EFL1: variants seen among roughly 807,000 people sequenced by gnomAD.
The protein encoded by EFL1 is elongation factor like GTPase 1.
In EFL1, 76 loss-of-function variants were observed where a neutral mutation model predicts 126.7. The ratio of observed to expected loss-of-function variants is 0.60; its 90% CI spans 0.50 to 0.73. The LOEUF (loss-of-function observed/expected upper bound fraction) is 0.73, where lower values mean the gene tolerates loss of function less well. Among genes scored for constraint, EFL1 ranks in the 30% least tolerant of loss-of-function variants. EFL1 has a pLI of 0.00. For synonymous variants in EFL1, 410 were observed against 448.4 expected, an observed-to-expected ratio of 0.91 and a Z score of 1.08; for missense variants, 1,128 against 1,343.2, an observed-to-expected ratio of 0.84 and a Z score of 2.50.
chr15:82,181,841 T>G (rs1377377929), intron 15 of EFL1, among the ~76,000 whole-genome samples: 1 of 152,204 alleles, frequency 6.6e-6, no homozygotes. Context: ...AGCCTTTAAA[T>G]TCTTGAAAGC....
intron 18 of EFL1, among the ~76,000 whole-genome samples, chr15:82,141,504 C>T (rs985347081): frequency 8.6e-5 from 13 of 151,952 alleles, no homozygotes; most frequent in Admixed American, 4.6e-4. Flanking sequence ...CACATCGCCA[C>T]TAACACTACA....
chr15:82,232,839 A>G (rs189310117), intron 7 of EFL1, among the ~76,000 whole-genome samples: 1 of 152,200 alleles, frequency 6.6e-6, no homozygotes, highest in Non-Finnish European at 1.5e-5. Flanking sequence ...ATTTATTGGT[A>G]TAATCATTTA....
In EFL1 at chr15:82,214,610, A is replaced by C. The variant is rs1355380520; in HGVS notation, c.1750+107T>G. ...AAGATACCAGAAAAAAAAATTATCA[A>C]ACTAAAGAATAAAGTTATTCCCTTC... On this transcript the variant is annotated intron_variant, in intron 15 of 19. Coordinates refer to ENST00000268206, the MANE Select transcript of EFL1 (RefSeq NM_024580.6). The C allele has an allele frequency of 2.1e-6, 3 of 1,441,298 alleles. No individual in the cohort carries two copies. The East Asian group carries it at 7.3e-5, about 35-fold the overall frequency. The allele number at this position is 1,441,298 out of a possible 1,614,324, so 89.3% of individuals were successfully genotyped here. A position where few individuals can be genotyped will look rare whatever the true frequency, so the allele number is the denominator to read the frequency against.
intron 18 of EFL1, among the ~76,000 whole-genome samples, chr15:82,142,185 C>T (rs1195433338): frequency 6.6e-6 from 1 of 152,304 alleles, no homozygotes; most frequent in Middle Eastern, 3.4e-3. Context: ...CCATCATGAT[C>T]ACTTGTTTGT....
Position 82,230,957 on chromosome 15 carries a change from G to A in EFL1, c.746C>T (p.Ala249Val), listed in dbSNP as rs2074816217. The A allele has an allele frequency of 6.2e-7, 1 of 1,611,526 alleles. No individual in the cohort carries two copies. Among genetic ancestry groups the A allele is most frequent in the South Asian group, 1.1e-5 (1 of 90,504 alleles). ...DGWGFGIEHF[A>V]RIYSQKIGIK... ...GCCAATTTTTTGACTGTAGATTCTGGCGAAGTGCTCAATTCTGAAAGAAGA... is the reference window on the plus strand; with the variant it reads ...GCCAATTTTTTGACTGTAGATTCTGACGAAGTGCTCAATTCTGAAAGAAGA... Residue 249 changes from alanine to valine, a missense_variant, in exon 8 of 20, where the codon GCC (alanine) becomes GTC (valine). Physicochemically the swap from Ala to Val is moderately conservative, Grantham distance 64 (BLOSUM62 0). This residue lies in a region of EFL1 where 316 missense variants were observed against 318.5 expected (regional missense o/e 0.99). Coordinates refer to ENST00000268206, the MANE Select transcript of EFL1 (RefSeq NM_024580.6).
At chr15:82,245,499 T>G (rs1356273088) in intron 4 of EFL1, among the ~76,000 whole-genome samples, 1 of 152,116 alleles carries the variant, frequency 6.6e-6, no homozygotes, top group Non-Finnish European at 1.5e-5. Flanking sequence ...TATAACATTA[T>G]AAGTTATAAA....
chr15:82,143,817 G>A (rs2073814120), intron 18 of EFL1, among the ~76,000 whole-genome samples: 1 of 152,128 alleles, frequency 6.6e-6, no homozygotes, highest in Non-Finnish European at 1.5e-5. Flanking sequence ...ACATGAAGTT[G>A]GCTGGAAACA....
At chr15:82,241,014 C>T (rs1040731812) in intron 5 of EFL1, among the ~76,000 whole-genome samples, 4 of 152,210 alleles carry the variant, frequency 2.6e-5, no homozygotes, top group Non-Finnish European at 4.4e-5. Context: ...CATGCCACTG[C>T]ACTAAAGCCT....
At chr15:82,178,800 A>C (rs1469851983) in intron 15 of EFL1, among the ~76,000 whole-genome samples, 3 of 152,132 alleles carry the variant, frequency 2.0e-5, no homozygotes, top group African/African-American at 7.2e-5. Flanking sequence ...AACACAGTCT[A>C]TACTGAAGCT....
chr15:82,163,841 A>T lies in EFL1; in HGVS notation c.1882+12T>A. 1 of 1,612,656 alleles carries T rather than the reference A, an allele frequency of 6.2e-7. No homozygotes were observed. The highest frequency in any genetic ancestry group is 8.5e-7 in the Non-Finnish European group (1 of 1,179,492). ...TAATAAACATATGCTTTTAAAAATAAGGTCATCTTACTTGGATGTTTTGGT... is the reference window on the plus strand; with the variant it reads ...TAATAAACATATGCTTTTAAAAATATGGTCATCTTACTTGGATGTTTTGGT... On this transcript the variant is annotated intron_variant, in intron 16 of 19. Coordinates refer to ENST00000268206, the MANE Select transcript of EFL1 (RefSeq NM_024580.6).
chr15:82,135,426 A>G (rs1398747854), intron 19 of EFL1, among the ~76,000 whole-genome samples: 2 of 152,044 alleles, frequency 1.3e-5, no homozygotes, highest in Admixed American at 1.3e-4. Context: ...TCCGTTCTCT[A>G]CCTTTCTTTG....
intron 19 of EFL1, among the ~76,000 whole-genome samples, chr15:82,135,360 CA>C (rs554525860): frequency 6.6e-6 from 1 of 151,990 alleles, no homozygotes; most frequent in South Asian, 2.1e-4. Flanking sequence ...TTTCAGGTAA[CA>C]AAAACTGCCT....
intron 15 of EFL1, among the ~76,000 whole-genome samples, chr15:82,188,557 T>C (rs1164710231): frequency 6.6e-6 from 1 of 152,176 alleles, no homozygotes; most frequent in African/African-American, 2.4e-5. Context: ...TGGGGAAAAG[T>C]TAAAAATTCA....
intron 16 of EFL1, among the ~76,000 whole-genome samples, chr15:82,161,185 A>T (rs2074020352): frequency 1.6e-5 from 1 of 62,446 alleles, no homozygotes; most frequent in South Asian, 3.0e-4. Flanking sequence ...TTGTCACAAT[A>T]AAAAAAAAAG....
chr15:82,183,739 T>G (rs2074275712), intron 15 of EFL1, among the ~76,000 whole-genome samples: 1 of 152,200 alleles, frequency 6.6e-6, no homozygotes, highest in Non-Finnish European at 1.5e-5. Context: ...TCTCTGTTTG[T>G]GAATAGGGTC....
chr15:82,161,003 TTC>T (rs1179421039), intron 16 of EFL1, among the ~76,000 whole-genome samples: 1 of 152,204 alleles, frequency 6.6e-6, no homozygotes, highest in Non-Finnish European at 1.5e-5. Context: ...ACATTTGTAG[TTC>T]TCTGTGTTGA....
intron 15 of EFL1, among the ~76,000 whole-genome samples, chr15:82,209,785 G>A (rs184545358): frequency 6.6e-6 from 1 of 152,200 alleles, no homozygotes; most frequent in Admixed American, 6.5e-5. Flanking sequence ...TACACTTATC[G>A]GCACACATAA....
intron 2 of EFL1, among the ~76,000 whole-genome samples, chr15:82,260,765 C>A: frequency 6.6e-6 from 1 of 152,220 alleles, no homozygotes; most frequent in East Asian, 1.9e-4. Flanking sequence ...GCACTCAACT[C>A]TTATCCCAGT....
chr15:82,144,347 T>G (rs2073820559), intron 18 of EFL1, among the ~76,000 whole-genome samples: 1 of 152,062 alleles, frequency 6.6e-6, no homozygotes, highest in Non-Finnish European at 1.5e-5. Context: ...ATAGTAGTCT[T>G]CAATGTGCTA....
Sources: gnomAD v4.1 joint callset for allele counts (sites outside exome capture counted in the v4.1 genomes callset) on GRCh38, gnomAD v4.1.1 for gene constraint, gnomAD v4.1.1 regional missense constraint, MANE v1.5 for transcripts, NCBI Gene and HGNC (gene_info 2026-07-23, HGNC 2026-07-21) for gene names.